CYP7A1: variants seen among roughly 807,000 people sequenced by gnomAD.
CYP7A1 encodes the protein cytochrome P450 7A1.
A neutral mutation model predicts 43.8 loss-of-function variants in CYP7A1; 28 were observed. The ratio of observed to expected loss-of-function variants is 0.64; its 90% CI spans 0.47 to 0.88. The LOEUF (loss-of-function observed/expected upper bound fraction) is 0.88, where lower values mean the gene tolerates loss of function less well. Among genes scored for constraint, CYP7A1 ranks in the 40% least tolerant of loss-of-function variants. The probability of loss-of-function intolerance (pLI) is 0.00; values close to 1 mark genes in which losing one functional copy is unlikely to be tolerated. For missense variants in CYP7A1, 637 were observed against 611.9 expected (o/e 1.04, Z -0.43); for synonymous variants, 227 against 222.5 (o/e 1.02, Z -0.18).
Position 58,500,005 on chromosome 8 carries a change from A to T in CYP7A1, c.80+14T>A. 3.1e-6 allele frequency: 5 copies of T among 1,601,334 alleles called. No homozygotes were observed. Among genetic ancestry groups the T allele is most frequent in the Non-Finnish European group, 4.3e-6 (5 of 1,168,740 alleles). On this transcript the variant is annotated intron_variant, in intron 1 of 5. Transcript: ENST00000301645. ...ATGAATCAAAGAGCAATTTAAAGAT[A>T]AAACATTACTTACCTTCTCCTAATT... is the stretch of plus-strand genomic sequence containing the variant.
At position 58,496,650 on chromosome 8, in the gene CYP7A1, C is replaced by T; in HGVS notation, c.862G>A (p.Ala288Thr). ...CAGAAAGTCGCTGGAATGGTGTTTGCTTGCGATGCCCAGAGGACCACGAGG... is the reference window on the plus strand; with the variant it reads ...CAGAAAGTCGCTGGAATGGTGTTTGTTTGCGATGCCCAGAGGACCACGAGG... Reference protein sequence around the residue: ...THLVVLWASQANTIPATFWSL... With the variant: ...THLVVLWASQTNTIPATFWSL... Residue 288 changes from alanine (A) to threonine (T), a missense_variant, in exon 3 of 6, where the codon GCA becomes ACA. Ala to Thr is a moderately conservative substitution (Grantham distance 58, BLOSUM62 0). Transcript: ENST00000301645. The T allele has an allele frequency of 1.2e-6, 2 of 1,614,186 alleles. No homozygotes were observed. Among genetic ancestry groups the T allele is most frequent in the Non-Finnish European group, 1.7e-6 (2 of 1,180,014 alleles).
Position 58,491,581 on chromosome 8 carries a change from A to G in CYP7A1, c.1409T>C (p.Ile470Thr), listed in dbSNP as rs779269724. ...AGGTGGACATTTAGCTTGGCCCTCT[A>G]TAAGCTCCAATTCAAAATAAGAAAG... Reference protein sequence around the residue: ...LMLSYFELELIEGQAKCPPLD... With the variant: ...LMLSYFELELTEGQAKCPPLD... The change falls in exon 6 of 6, where the codon ATA becomes ACA. Residue 470 changes from isoleucine (I) to threonine (T), a missense_variant. Coordinates refer to ENST00000301645, the MANE Select transcript of CYP7A1 (RefSeq NM_000780.4). The G allele has an allele frequency of 5.3e-5, 85 of 1,614,084 alleles. No homozygotes were observed. In the Admixed American group the frequency reaches 1.4e-3, roughly 26 times the overall value.
intron 4 of CYP7A1, 75 bp from the exon 5 acceptor site, chr8:58,492,603 GT>G (rs1246620490): frequency 8.0e-7 from 1 of 1,248,890 alleles, no homozygotes; most frequent in Non-Finnish European, 1.1e-6. Flanking sequence ...CAAACCAAGT[GT>G]TTGAAGGTCA....
In CYP7A1 at chr8:58,498,516, G is replaced by T; in HGVS notation, c.81-47C>A. On this transcript the variant is annotated intron_variant, in intron 1 of 5. Coordinates refer to ENST00000301645, the MANE Select transcript of CYP7A1 (RefSeq NM_000780.4). ...TAGACATGGATGATTACAGTTTTGG[G>T]TTTTTACTTACATCAGGTTTTAAAA... The T allele has an allele frequency of 1.9e-6, 3 of 1,611,034 alleles. No homozygotes were observed. In the South Asian group the frequency reaches 3.3e-5, roughly 18 times the overall value.
intron 2 of CYP7A1, 45 bp downstream of exon 2, chr8:58,498,184 A>T (rs1197114060): frequency 6.2e-7 from 1 of 1,607,498 alleles, no homozygotes; most frequent in African/African-American, 1.3e-5. Flanking sequence ...GCACATAAAA[A>T]GGTAGAAGAC....
chr8:58,493,463 C>T (rs938818821), intron 4 of CYP7A1, among the ~76,000 whole-genome samples: 3 of 152,232 alleles, frequency 2.0e-5, no homozygotes, highest in East Asian at 1.9e-4. Context: ...ATAGAGAGCT[C>T]GCGAGAGGTC....
At chr8:58,496,231 A>C (rs1371511890) in intron 3 of CYP7A1, among the ~76,000 whole-genome samples, 1 of 152,206 alleles carries the variant, frequency 6.6e-6, no homozygotes, top group African/African-American at 2.4e-5. Flanking sequence ...AAATACATTT[A>C]ATGATTATGA....
Position 58,492,525 on chromosome 8 carries a change from C to T in CYP7A1, c.1043G>A (p.Ser348Asn). Reference protein sequence around the residue: ...AELNDLPVLDSIIKESLRLSS... With the variant: ...AELNDLPVLDNIIKESLRLSS... ...AAGCCTCAGCGATTCCTTGATTATA[C>T]TATCTAAACATTTTAAAAGAAAAAA... is the stretch of plus-strand genomic sequence containing the variant. The change falls in exon 5 of 6, where the codon AGT becomes AAT. Residue 348 changes from serine (S) to asparagine (N), a missense_variant. Transcript: ENST00000301645. 6.2e-7 allele frequency: 1 copy of T among 1,611,366 alleles called. No homozygotes were observed. The highest frequency in any genetic ancestry group is 8.5e-7 in the Non-Finnish European group (1 of 1,177,768).
chr8:58,495,637 T>C (rs552754897), intron 3 of CYP7A1, among the ~76,000 whole-genome samples: 64 of 152,338 alleles, frequency 4.2e-4, no homozygotes, highest in African/African-American at 1.5e-3. Flanking sequence ...TAAGTATTTG[T>C]AAGACTATCA....
rs74468547 is a variant in CYP7A1 at position 58,497,370 on chromosome 8, A to C, written c.322-180T>G. On this transcript the variant is annotated intron_variant, in intron 2 of 5. Coordinates refer to ENST00000301645, the MANE Select transcript of CYP7A1 (RefSeq NM_000780.4). ...ATGACCAAACTGTACCTTTCCTTTA[A>C]AGCCAACTTCAGTGGCACTCCCCTG... Among the ~76,000 whole-genome samples the C allele has an allele frequency of 0.042, 6,436 of 152,230 alleles. 480 individuals carry two copies. Among genetic ancestry groups the C allele is most frequent in the African/African-American group, 0.15 (6,133 of 41,498 alleles).
intron 4 of CYP7A1, among the ~76,000 whole-genome samples, chr8:58,494,218 C>T (rs1161926758): frequency 6.6e-6 from 1 of 151,862 alleles, no homozygotes; most frequent in Non-Finnish European, 1.5e-5. Context: ...ATATGAGAAA[C>T]ATGGTGTGGC....
rs769256926 is a variant in CYP7A1, at chr8:58,498,377, G to A, written c.173C>T (p.Ala58Val). 6.2e-7 allele frequency: 1 copy of A among 1,614,088 alleles called. No homozygotes were observed. The highest frequency in any genetic ancestry group is 8.5e-7 in the Non-Finnish European group (1 of 1,179,980). Residue 58 changes from alanine to valine, a missense_variant, in exon 2 of 6, where the codon GCA becomes GTA. Physicochemically the swap from Ala to Val is moderately conservative, Grantham distance 64. Coordinates refer to ENST00000301645, the MANE Select transcript of CYP7A1 (RefSeq NM_000780.4). ...AACATGACCATGTTTCCTTTGATTT[G>A]CTCTGAGGAACTCAAGAGGATTGGC... ...FGANPLEFLRANQRKHGHVFT... is the reference protein window; with the variant it reads ...FGANPLEFLRVNQRKHGHVFT...
intron 3 of CYP7A1, among the ~76,000 whole-genome samples, chr8:58,495,642 C>T (rs1313027155): frequency 6.6e-6 from 1 of 152,196 alleles, no homozygotes; most frequent in Admixed American, 6.5e-5. Flanking sequence ...ATTTGTAAGA[C>T]TATCATAAAA....
In CYP7A1 at chr8:58,491,128, C is replaced by G. The variant is rs78764820; in HGVS notation, c.*347G>C. 0.019 allele frequency: 5,030 copies of G among 265,694 alleles called. 140 individuals carry two copies. Among genetic ancestry groups the G allele is most frequent in the East Asian group, 0.098 (1,153 of 11,718 alleles). The allele number at this position is 265,694 out of a possible 1,614,324, so 16.5% of individuals were successfully genotyped here. A position where few individuals can be genotyped will look rare whatever the true frequency, so the allele number is the denominator to read the frequency against. On this transcript the variant is annotated 3_prime_UTR_variant, in exon 6 of 6. Transcript: ENST00000301645. ...AAGACTACAGGTGCCTGCTACCACA[C>G]CTGGCTGTAATGTGTATCTTCATTT...
At position 58,496,624 on chromosome 8, in the gene CYP7A1, C is replaced by G. The variant is rs535428616; in HGVS notation, c.888G>C (p.Trp296Cys). Residue 296 changes from tryptophan to cysteine, a missense_variant, in exon 3 of 6, where the codon TGG becomes TGC. Coordinates refer to ENST00000301645, the MANE Select transcript of CYP7A1 (RefSeq NM_000780.4). ...SQANTIPATF[W>C]SLFQMIRNPE... ...GTCACCTAATCATTTGAAATAAACT[C>G]CAGAAAGTCGCTGGAATGGTGTTTG... 7.3e-5 allele frequency: 118 copies of G among 1,613,752 alleles called. No homozygotes were observed. The highest frequency in any genetic ancestry group is 9.3e-5 in the Non-Finnish European group (110 of 1,179,890).
rs904165019 is a variant in CYP7A1 at position 58,491,005 on chromosome 8, A to T, written c.*470T>A. ...AAAAACAATCTGCCAATTAGAATAC[A>T]TATCTTTTCTTCGGAGACGGGATCT... On this transcript the variant is annotated 3_prime_UTR_variant, in exon 6 of 6. Coordinates refer to ENST00000301645, the MANE Select transcript of CYP7A1 (RefSeq NM_000780.4). 1 of 155,774 alleles carries T rather than the reference A, an allele frequency of 6.4e-6. No homozygotes were observed. The highest frequency in any genetic ancestry group is 2.4e-5 in the African/African-American group (1 of 41,520). The allele number at this position is 155,774 out of a possible 1,614,324, so 9.6% of individuals were successfully genotyped here.
chr8:58,492,496 T>C lies in CYP7A1; in HGVS notation c.1072A>G (p.Ser358Gly), dbSNP rs767461666. The C allele has an allele frequency of 6.2e-7, 1 of 1,614,074 alleles. No homozygotes were observed. The highest frequency in any genetic ancestry group is 2.2e-5 in the East Asian group (1 of 44,864). The change falls in exon 5 of 6, where the codon AGT (serine) becomes GGT (glycine). Residue 358 changes from serine (S) to glycine (G), a missense_variant. By Grantham distance (56) the Ser-to-Gly change is moderately conservative. Transcript: ENST00000301645. ...GCTGTCCGGATGTTGAGGGAGGCAC[T>C]GGAAAGCCTCAGCGATTCCTTGATT... Reference protein sequence around the residue: ...SIIKESLRLSSASLNIRTAKE... With the variant: ...SIIKESLRLSGASLNIRTAKE...
At chr8:58,493,371 C>G (rs1289823500) in intron 4 of CYP7A1, among the ~76,000 whole-genome samples, 2 of 152,154 alleles carry the variant, frequency 1.3e-5, no homozygotes, top group Non-Finnish European at 2.9e-5. Flanking sequence ...TATCCATATA[C>G]TATCTGATGC....
intron 3 of CYP7A1, 41 bp downstream of exon 3, chr8:58,496,563 C>G (rs945764471): frequency 6.6e-7 from 1 of 1,515,640 alleles, no homozygotes; most frequent in Admixed American, 1.7e-5. Context: ...TTTCTACTTT[C>G]TACTAAAATA....
Sources: gnomAD v4.1 joint callset for allele counts (sites outside exome capture counted in the v4.1 genomes callset) on GRCh38, gnomAD v4.1.1 for gene constraint, MANE v1.5 for transcripts, NCBI Gene and HGNC (gene_info 2026-07-23, HGNC 2026-07-21) for gene names.